The following SDK1 variants were observed in gnomAD, a reference collection of about 807,000 sequenced individuals.
The protein encoded by SDK1 is sidekick cell adhesion molecule 1.
SDK1 carries 157 observed loss-of-function variants against 245.5 expected under a neutral mutation model. The ratio of observed to expected loss-of-function variants is 0.64; its 90% CI spans 0.56 to 0.73. The LOEUF (loss-of-function observed/expected upper bound fraction) is 0.73. Ranked by LOEUF, SDK1 falls within the 30% of genes least tolerant of loss-of-function variation. SDK1 has a pLI of 0.00. For synonymous variants in SDK1, 1,647 were observed against 1,278.5 expected (o/e 1.29, Z -6.15); for missense variants, 3,583 against 3,002.3 (o/e 1.19, Z -4.52).
chr7:3,898,065 A>T (rs1334503997), intron 5 of SDK1, among the ~76,000 whole-genome samples: 3 of 152,208 alleles, frequency 2.0e-5, no homozygotes, highest in Non-Finnish European at 4.4e-5. Flanking sequence ...GTGCTACGGT[A>T]TTAGCATGAA....
In SDK1 at chr7:3,714,551, T is replaced by C. The variant is rs558354562; in HGVS notation, c.713+72446T>C. 3.2e-4 allele frequency among the ~76,000 whole-genome samples: 49 copies of C among 152,340 alleles called. 1 individual carries two copies. The highest frequency in any genetic ancestry group is 1.2e-3 in the African/African-American group (48 of 41,582). On this transcript the variant is annotated intron_variant, in intron 4 of 44. Transcript: ENST00000404826. ...GTGCTTTGCATTTTGTTACATCTTA[T>C]GTAAGTGGTGATATTAGCATTACTA...
rs187059819 is a variant in SDK1 at position 3,513,618 on chromosome 7, C to T, written c.299-105462C>T. On this transcript the variant is annotated intron_variant, in intron 1 of 44. Transcript: ENST00000404826. ...GTGGGCATTTTTATTCTATACAGTT[C>T]GTAATAGTTTTAAAATAATTTCAAC... Among the ~76,000 whole-genome samples, 69 of 152,080 alleles carry T rather than the reference C, an allele frequency of 4.5e-4. No homozygotes were observed. In the East Asian group the frequency reaches 0.011, roughly 25 times the overall value.
At chr7:3,849,875 C>A (rs1489016076) in intron 5 of SDK1, among the ~76,000 whole-genome samples, 1 of 152,172 alleles carries the variant, frequency 6.6e-6, no homozygotes, top group African/African-American at 2.4e-5. Flanking sequence ...AGTTGACAGA[C>A]CTTTAGTTAT....
rs573296225 is a variant in SDK1, at chr7:4,065,656, A to G, written c.2912-2182A>G. 9.5e-5 allele frequency among the ~76,000 whole-genome samples: 14 copies of G among 147,660 alleles called. No individual in the cohort carries two copies. The South Asian group carries it at 3.0e-3, about 32-fold the overall frequency. On this transcript the variant is annotated intron_variant, in intron 19 of 44. Transcript: ENST00000404826. ...TCAGAGCATTTGAGCTTATCTGTGA[A>G]AAGTCTTTTCAAAGTTTCACCCAGA... is the stretch of plus-strand genomic sequence containing the variant.
At chr7:3,840,507 C>T (rs749255713) in intron 5 of SDK1, among the ~76,000 whole-genome samples, 1 of 152,172 alleles carries the variant, frequency 6.6e-6, no homozygotes, top group African/African-American at 2.4e-5. Context: ...GTACTATCAG[C>T]ATCATCCTGG....
At chr7:4,205,123 G>C (rs542702376) in intron 35 of SDK1, among the ~76,000 whole-genome samples, 4 of 152,240 alleles carry the variant, frequency 2.6e-5, no homozygotes, top group African/African-American at 7.2e-5. Flanking sequence ...CGAGGGGGCT[G>C]GAGGGGAAGA....
chr7:4,120,561 A>G (rs1369644108), intron 25 of SDK1, among the ~76,000 whole-genome samples: 3 of 149,120 alleles, frequency 2.0e-5, no homozygotes, highest in East Asian at 3.8e-4. Flanking sequence ...AGTAAATGCT[A>G]TATAAAAATG....
chr7:3,937,949 TG>T (rs1318288220), intron 5 of SDK1, among the ~76,000 whole-genome samples: 2 of 152,186 alleles, frequency 1.3e-5, no homozygotes, highest in East Asian at 3.9e-4. Context: ...GCAGTTCTCC[TG>T]TCTCAGCCTT....
intron 35 of SDK1, among the ~76,000 whole-genome samples, chr7:4,199,801 A>C (rs1490651895): frequency 6.6e-6 from 1 of 152,162 alleles, no homozygotes; most frequent in Non-Finnish European, 1.5e-5. Context: ...AACTTAGAGC[A>C]CACAGCAACT....
At position 4,065,947 on chromosome 7, in the gene SDK1, AT is replaced by A. The variant is rs1368597743; in HGVS notation, c.2912-1887del. 5.3e-5 allele frequency among the ~76,000 whole-genome samples: 8 copies of A among 152,002 alleles called. No individual in the cohort carries two copies. The East Asian group carries it at 1.5e-3, about 29-fold the overall frequency. ...GACACCCTTGACTTCATGCTCTCCT[AT>A]TTTAAGCTGAAAGACTTGCATTTTT... is the stretch of plus-strand genomic sequence containing the variant. On this transcript the variant is annotated intron_variant, in intron 19 of 44. Coordinates refer to ENST00000404826, the MANE Select transcript of SDK1 (RefSeq NM_152744.4).
At chr7:4,085,608 G>A (rs1018179993) in intron 22 of SDK1, among the ~76,000 whole-genome samples, 11 of 152,248 alleles carry the variant, frequency 7.2e-5, no homozygotes, top group African/African-American at 2.6e-4. Context: ...AGGCTGGAGT[G>A]CAGTGGCGTG....
At position 4,067,849 on chromosome 7, in the gene SDK1, G is replaced by T; in HGVS notation, c.2923G>T (p.Val975Leu). ...VWTQEDKPGA[V>L]GHLSFTEILD... is the part of the protein sequence containing the mutation. ...CTTTTAATTGGTAGAACCAGGAGCT[G>T]TGGGACATCTGAGTTTCACAGAGAT... The change falls in exon 20 of 45, where the codon GTG (valine) becomes TTG (leucine). Residue 975 changes from valine (V) to leucine (L), a missense_variant. Coordinates refer to ENST00000404826, the MANE Select transcript of SDK1 (RefSeq NM_152744.4). 5.6e-6 allele frequency: 9 copies of T among 1,612,674 alleles called. No homozygotes were observed. Among genetic ancestry groups the T allele is most frequent in the Non-Finnish European group, 7.6e-6 (9 of 1,179,394 alleles).
chr7:4,244,136 C>T (rs1370917576), intron 43 of SDK1, among the ~76,000 whole-genome samples: 1 of 152,152 alleles, frequency 6.6e-6, no homozygotes, highest in Non-Finnish European at 1.5e-5. Flanking sequence ...CAGAGGTCTC[C>T]ATCCCCTCCA....
chr7:3,663,818 AG>A (rs1243102267), intron 4 of SDK1, among the ~76,000 whole-genome samples: 69 of 152,362 alleles, frequency 4.5e-4, no homozygotes, highest in African/African-American at 1.6e-3. Flanking sequence ...ACTAAATCTA[AG>A]ATTAGCTAAC....
intron 42 of SDK1, 133 bp from the exon 43 acceptor site, chr7:4,241,660 A>T (rs1046891241): frequency 9.6e-7 from 1 of 1,039,436 alleles, no homozygotes; most frequent in African/African-American, 1.7e-5. Flanking sequence ...GCACAGCTGA[A>T]GCAGGTATCC....
chr7:3,879,157 G>A (rs996570305), intron 5 of SDK1, among the ~76,000 whole-genome samples: 1 of 151,988 alleles, frequency 6.6e-6, no homozygotes, highest in Non-Finnish European at 1.5e-5. Context: ...GTTTTAAAAC[G>A]ATCCACACCA....
At position 3,525,439 on chromosome 7, in the gene SDK1, A is replaced by G. The variant is rs114093623; in HGVS notation, c.299-93641A>G. ...CCCTTTTCTTGTGTCTGGGAGGTTG[A>G]TGGCATAGTACATTTACTCCCCAAG... On this transcript the variant is annotated intron_variant, in intron 1 of 44. Transcript: ENST00000404826. Among the ~76,000 whole-genome samples the G allele has an allele frequency of 3.7e-3, 565 of 152,112 alleles. 5 individuals carry two copies. The highest frequency in any genetic ancestry group is 0.013 in the African/African-American group (541 of 41,474).
intron 40 of SDK1, chr7:4,227,464 G>C (rs780581431): frequency 2.1e-6 from 1 of 469,878 alleles, no homozygotes; most frequent in South Asian, 1.6e-5. Flanking sequence ...TTAGCCTCAT[G>C]TTTAAGCGCC....
chr7:4,051,063 A>G (rs1347004541), intron 18 of SDK1, among the ~76,000 whole-genome samples: 1 of 140,924 alleles, frequency 7.1e-6, no homozygotes, highest in Non-Finnish European at 1.5e-5. Context: ...ATACATATAT[A>G]TGTTATGTAT....
Sources: allele counts gnomAD v4.1 joint callset (sites outside exome capture counted in the v4.1 genomes callset), GRCh38; gene constraint gnomAD v4.1.1; transcripts MANE v1.5; gene names NCBI Gene and HGNC (gene_info 2026-07-23, HGNC 2026-07-21).